HIVEP3: variants seen among roughly 807,000 people sequenced by gnomAD.
HIVEP3 encodes the protein HIVEP zinc finger 3, also known as transcription factor HIVEP3.
In HIVEP3, 49 loss-of-function variants were observed where a neutral mutation model predicts 152.8. The observed-to-expected ratio is 0.32, with a 90% confidence interval of 0.26 to 0.41. The LOEUF is 0.41. HIVEP3 is among the 10% of genes least tolerant of loss of function. The probability of loss-of-function intolerance (pLI) is 1.00; values close to 1 mark genes in which losing one functional copy is unlikely to be tolerated. For synonymous variants in HIVEP3, 1,269 were observed against 1,289.0 expected (o/e 0.98, Z 0.33); for missense variants, 2,790 against 3,103.3 (o/e 0.90, Z 2.40).
Position 41,846,108 on chromosome 1 carries a change from C to T in HIVEP3, c.-801+72305G>A, listed in dbSNP as rs373717165. Reference sequence around the variant, plus strand: ...AAAGTAAACTGGAAAAACCAACGCACGAATAACATTCATTCCTCAGCTCTC... The same window carrying T: ...AAAGTAAACTGGAAAAACCAACGCATGAATAACATTCATTCCTCAGCTCTC... On this transcript the variant is annotated intron_variant, in intron 1 of 8. Coordinates refer to ENST00000372583, the MANE Select transcript of HIVEP3 (RefSeq NM_024503.5). Among the ~76,000 whole-genome samples the T allele has an allele frequency of 1.4e-4, 21 of 152,058 alleles. No individual in the cohort carries two copies. In the East Asian group the frequency reaches 1.7e-3, roughly 13 times the overall value.
intron 1 of HIVEP3, among the ~76,000 whole-genome samples, chr1:42,029,553 C>A (rs1645601645): frequency 6.6e-6 from 1 of 151,234 alleles, no homozygotes; most frequent in Non-Finnish European, 1.5e-5. Context: ...AACTGTGATA[C>A]AGAATGTTCA....
At chr1:41,679,030 C>T (rs1645998733) in intron 2 of HIVEP3, among the ~76,000 whole-genome samples, 1 of 152,156 alleles carries the variant, frequency 6.6e-6, no homozygotes, top group South Asian at 2.1e-4. Flanking sequence ...GACCCATGGC[C>T]CAGGGAGAAG....
intron 1 of HIVEP3, among the ~76,000 whole-genome samples, chr1:41,723,306 C>T (rs913165054): frequency 6.6e-5 from 10 of 151,978 alleles, no homozygotes; most frequent in African/African-American, 2.2e-4. Context: ...GTCATCTCAT[C>T]CCTTCCATGG....
chr1:41,638,627 G>A (rs374442287), intron 2 of HIVEP3, among the ~76,000 whole-genome samples: 26 of 96,050 alleles, frequency 2.7e-4, no homozygotes, highest in African/African-American at 9.9e-4. Flanking sequence ...CAGGGAGGGG[G>A]CTACTAGGGG....
chr1:41,531,005 G>A (rs1169349326), intron 5 of HIVEP3, among the ~76,000 whole-genome samples: 1 of 152,178 alleles, frequency 6.6e-6, no homozygotes. Flanking sequence ...GGTTGGGTGA[G>A]GCCAGGGATG....
At chr1:41,861,856 C>G (rs139003858) in intron 1 of HIVEP3, among the ~76,000 whole-genome samples, 2 of 152,068 alleles carry the variant, frequency 1.3e-5, no homozygotes, top group African/African-American at 4.8e-5. Flanking sequence ...GCAGACTAGA[C>G]GAGAGGTGAT....
chr1:41,632,966 A>G (rs951704704), intron 2 of HIVEP3, among the ~76,000 whole-genome samples: 42 of 151,998 alleles, frequency 2.8e-4, no homozygotes, highest in Non-Finnish European at 5.9e-5. Flanking sequence ...CATTTTCATC[A>G]GTGAGGTCCT....
intron 1 of HIVEP3, among the ~76,000 whole-genome samples, chr1:41,960,924 C>T (rs765901360): frequency 2.6e-5 from 4 of 152,172 alleles, no homozygotes; most frequent in Non-Finnish European, 4.4e-5. Flanking sequence ...GTACTTTTCA[C>T]AATGTGACCT....
chr1:41,870,499 C>T (rs1320650384), intron 1 of HIVEP3, among the ~76,000 whole-genome samples: 3 of 152,186 alleles, frequency 2.0e-5, no homozygotes, highest in Non-Finnish European at 4.4e-5. Flanking sequence ...GTACGTGCAA[C>T]ATGGTAGGCA....
chr1:41,562,600 T>C (rs1644088503), intron 5 of HIVEP3, among the ~76,000 whole-genome samples: 1 of 34,994 alleles, frequency 2.9e-5, no homozygotes, highest in Non-Finnish European at 1.1e-4. Flanking sequence ...CCTTCCTTTC[T>C]TTCTCTCTCT....
At chr1:41,710,759 C>T (rs1008546050) in intron 1 of HIVEP3, among the ~76,000 whole-genome samples, 1 of 152,222 alleles carries the variant, frequency 6.6e-6, no homozygotes, top group African/African-American at 2.4e-5. Context: ...CGTGGCCTCA[C>T]ACCCCAAGCC....
At chr1:41,803,260 G>A (rs66963136) in intron 1 of HIVEP3, among the ~76,000 whole-genome samples, 7,783 of 152,266 alleles carry the variant, frequency 0.051, 655 homozygotes, top group African/African-American at 0.18. Flanking sequence ...GACAGGCTGC[G>A]GAGTATGTGT....
intron 2 of HIVEP3, among the ~76,000 whole-genome samples, chr1:41,661,103 A>G (rs1198395476): frequency 2.0e-5 from 3 of 152,172 alleles, no homozygotes; most frequent in Admixed American, 6.5e-5. Context: ...CGTGATCTCA[A>G]TCTTTCTTAA....
intron 2 of HIVEP3, among the ~76,000 whole-genome samples, chr1:41,633,237 C>G (rs1645221875): frequency 6.6e-6 from 1 of 152,058 alleles, no homozygotes; most frequent in Non-Finnish European, 1.5e-5. Context: ...GAGAAATGTG[C>G]AAATAAGAAC....
chr1:41,903,770 A>G (rs1188635360), intron 1 of HIVEP3, among the ~76,000 whole-genome samples: 1 of 112,088 alleles, frequency 8.9e-6, no homozygotes, highest in African/African-American at 4.3e-5. Context: ...CTCAGAGTAC[A>G]CACATGCTTG....
chr1:41,907,083 C>G (rs1381494896), intron 1 of HIVEP3, among the ~76,000 whole-genome samples: 3 of 152,166 alleles, frequency 2.0e-5, no homozygotes, highest in Non-Finnish European at 4.4e-5. Flanking sequence ...GCAAGGCTCT[C>G]ATTGGACCCC....
chr1:41,601,113 A>G (rs1644742445), intron 3 of HIVEP3, among the ~76,000 whole-genome samples: 1 of 152,128 alleles, frequency 6.6e-6, no homozygotes, highest in South Asian at 2.1e-4. Flanking sequence ...ATTGGTCTAC[A>G]TGTCTGTCTT....
intron 2 of HIVEP3, among the ~76,000 whole-genome samples, chr1:41,693,031 G>C (rs1272996247): frequency 6.6e-6 from 1 of 152,186 alleles, no homozygotes; most frequent in Non-Finnish European, 1.5e-5. Flanking sequence ...GCCTATGAAA[G>C]TGGTATTATT....
intron 1 of HIVEP3, among the ~76,000 whole-genome samples, chr1:41,952,830 C>A (rs981236579): frequency 2.6e-5 from 4 of 152,122 alleles, no homozygotes; most frequent in Non-Finnish European, 4.4e-5. Context: ...TATAAAATAT[C>A]ATTTATTTTT....
Sources: allele counts gnomAD v4.1 joint callset (sites outside exome capture counted in the v4.1 genomes callset), GRCh38; gene constraint gnomAD v4.1.1; transcripts MANE v1.5; gene names NCBI Gene and HGNC (gene_info 2026-07-23, HGNC 2026-07-21).